The following THRAP3 variants were observed in gnomAD, a reference collection of about 807,000 sequenced individuals.
THRAP3 encodes the protein thyroid hormone receptor-associated protein 3.
In THRAP3, 16 loss-of-function variants were observed where a neutral mutation model predicts 101.0. The ratio of observed to expected loss-of-function variants is 0.16; its 90% confidence interval spans 0.11 to 0.24. THRAP3 has a LOEUF of 0.24. THRAP3 is among the 10% of genes least tolerant of loss of function. The probability of loss-of-function intolerance (pLI) is 1.00; values close to 1 mark genes in which losing one functional copy is unlikely to be tolerated. For missense variants in THRAP3, 989 were observed against 1,202.7 expected (o/e 0.82, Z 2.63); for synonymous variants, 407 against 422.6 (o/e 0.96, Z 0.45).
At chr1:36,272,265 C>T (rs1001743116) in intron 2 of THRAP3, among the ~76,000 whole-genome samples, 4 of 152,128 alleles carry the variant, frequency 2.6e-5, no homozygotes, top group African/African-American at 7.2e-5. Flanking sequence ...GGAGAGTACC[C>T]AATGCACATT....
intron 1 of THRAP3, among the ~76,000 whole-genome samples, chr1:36,243,696 C>T (rs1337858769): frequency 2.0e-5 from 3 of 152,240 alleles, no homozygotes; most frequent in Non-Finnish European, 4.4e-5. Flanking sequence ...ATGGCCCGTT[C>T]TCAATGAGCC....
Position 36,287,291 on chromosome 1 carries a change from G to T in THRAP3, c.1040+21G>T, listed in dbSNP as rs771648723. 3 of 1,564,174 alleles carry T rather than the reference G, an allele frequency of 1.9e-6. No homozygotes were observed. The Admixed American group carries it at 5.7e-5, about 30-fold the overall frequency. On this transcript the variant is annotated intron_variant, in intron 4 of 11. Coordinates refer to ENST00000354618, the MANE Select transcript of THRAP3 (RefSeq NM_005119.4). Reference sequence around the variant, plus strand: ...AAGAGGCAAGTATCTCATTTCCCCTGCCTGGTTGTGTTTTTATCTCACTAG... The same window carrying T: ...AAGAGGCAAGTATCTCATTTCCCCTTCCTGGTTGTGTTTTTATCTCACTAG...
At chr1:36,210,082 T>C in the THRAP3 span, among the ~76,000 whole-genome samples, 3 of 152,068 alleles carry the variant, frequency 2.0e-5, no homozygotes, top group African/African-American at 7.2e-5. Context: ...AAAACTTCTT[T>C]TTGGCCGGGC....
At position 36,291,565 on chromosome 1, in the gene THRAP3, C is replaced by G. The variant is rs201487064; in HGVS notation, c.1918+19C>G. ...GTTAAAGGTGAGTCCAGACCCTGGCCTGCTTCAGGCTCGTGTTCCACACTT... is the reference window on the plus strand; with the variant it reads ...GTTAAAGGTGAGTCCAGACCCTGGCGTGCTTCAGGCTCGTGTTCCACACTT... On this transcript the variant is annotated intron_variant, in intron 6 of 11. Transcript: ENST00000354618. The G allele has an allele frequency of 1.2e-6, 2 of 1,609,022 alleles. No individual in the cohort carries two copies. The highest frequency in any genetic ancestry group is 2.2e-5 in the East Asian group (1 of 44,780).
At chr1:36,290,610 C>T (rs1314996127) in intron 5 of THRAP3, among the ~76,000 whole-genome samples, 1 of 152,166 alleles carries the variant, frequency 6.6e-6, no homozygotes, top group African/African-American at 2.4e-5. Context: ...GGATTACACG[C>T]ACCTGCCACC....
At chr1:36,275,586 CAAAAAA>C (rs754150358) in intron 2 of THRAP3, among the ~76,000 whole-genome samples, 1 of 13,816 alleles carries the variant, frequency 7.2e-5, no homozygotes, top group African/African-American at 1.9e-4. Context: ...GACTCTGTCT[CAAAAAA>C]AAAAAAAAAA....
intron 1 of THRAP3, among the ~76,000 whole-genome samples, chr1:36,244,900 T>C (rs748012158): frequency 4.6e-5 from 7 of 152,010 alleles, no homozygotes; most frequent in Non-Finnish European, 7.4e-5. Context: ...TTTTGTATTT[T>C]TAGTAGAGAC....
rs548209682 is a variant in THRAP3 at position 36,272,917 on chromosome 1, C to A, written c.-31-9616C>A. On this transcript the variant is annotated intron_variant, in intron 2 of 11. Transcript: ENST00000354618. Reference sequence around the variant, plus strand: ...TAGGTTAGCAGAACTGTGATACATACATAATTTTATTCCTTGACTGTATTG... The same window carrying A: ...TAGGTTAGCAGAACTGTGATACATAAATAATTTTATTCCTTGACTGTATTG... Among the ~76,000 whole-genome samples the A allele has an allele frequency of 2.0e-5, 3 of 152,328 alleles. No individual in the cohort carries two copies. The East Asian group carries it at 5.8e-4, about 29-fold the overall frequency.
chr1:36,289,643 T>C lies in THRAP3; in HGVS notation c.1624T>C (p.Ser542Pro), dbSNP rs757162828. Residue 542 changes from serine (S) to proline (P), a missense_variant, in exon 5 of 12, where the codon TCT becomes CCT. Coordinates refer to ENST00000354618, the MANE Select transcript of THRAP3 (RefSeq NM_005119.4). ...CTCATCACCTCCCCCAAGAAAGACC[T>C]CTGAGAGCCGAGACAAGCTGGGAGC... is the stretch of plus-strand genomic sequence containing the variant. The part of the protein sequence containing the change: ...KSSSPPPRKT[S>P]ESRDKLGAKG... 5.0e-6 allele frequency: 8 copies of C among 1,614,016 alleles called. No individual in the cohort carries two copies. In the Admixed American group the frequency reaches 6.7e-5, roughly 13 times the overall value.
At chr1:36,221,111 G>A (rs1644901194), upstream of THRAP3, among the ~76,000 whole-genome samples, 1 of 148,698 alleles carries the variant, frequency 6.7e-6, no homozygotes, top group African/African-American at 2.5e-5. Flanking sequence ...TTTGAGCCTG[G>A]GAGATGGCGG....
At position 36,292,681 on chromosome 1, in the gene THRAP3, A is replaced by G. The variant is rs1467972259; in HGVS notation, c.2002A>G (p.Lys668Glu). The G allele has an allele frequency of 6.2e-7, 1 of 1,612,524 alleles. No homozygotes were observed. ...GAGAGGAACTGAGCAGGAGGCAGCC[A>G]AAAACAAGAAAAGCCCAGAGATACA... ...LKRGTEQEAA[K>E]NKKSPEIHRR... Residue 668 changes from lysine to glutamate, a missense_variant, in exon 7 of 12, where the codon AAA becomes GAA. Coordinates refer to ENST00000354618, the MANE Select transcript of THRAP3 (RefSeq NM_005119.4).
chr1:36,243,752 C>T (rs1429040624), intron 1 of THRAP3, among the ~76,000 whole-genome samples: 1 of 151,150 alleles, frequency 6.6e-6, no homozygotes, highest in Non-Finnish European at 1.5e-5. Context: ...CAGAGGGGCT[C>T]CTCACTTCCC....
Position 36,304,448 on chromosome 1 carries a change from T to C in THRAP3, c.*431T>C, listed in dbSNP as rs1396689243. On this transcript the variant is annotated 3_prime_UTR_variant, in exon 12 of 12. Coordinates refer to ENST00000354618, the MANE Select transcript of THRAP3 (RefSeq NM_005119.4). ...GTCCTGATTTTAAAAGCCCCCTCCT[T>C]TTTTTTTTTTTTTTTCTTTTTTTAG... 1.1e-5 allele frequency: 2 copies of C among 188,566 alleles called. No homozygotes were observed. The highest frequency in any genetic ancestry group is 1.9e-4 in the East Asian group (2 of 10,720). The allele number at this position is 188,566 out of a possible 1,614,324, so 11.7% of individuals were successfully genotyped here. A position where few individuals can be genotyped will look rare whatever the true frequency, so the allele number is the denominator to read the frequency against.
At chr1:36,245,958 G>C (rs1389171288) in intron 1 of THRAP3, among the ~76,000 whole-genome samples, 1 of 152,122 alleles carries the variant, frequency 6.6e-6, no homozygotes, top group Non-Finnish European at 1.5e-5. Flanking sequence ...GCTTACAGTC[G>C]TTCTAAGTAC....
At chr1:36,278,254 CG>C (rs1433505240) in intron 2 of THRAP3, among the ~76,000 whole-genome samples, 2 of 151,648 alleles carry the variant, frequency 1.3e-5, no homozygotes, top group South Asian at 2.1e-4. Context: ...TTAGTAGAGA[CG>C]GGGTTTTGCC....
intron 1 of THRAP3, among the ~76,000 whole-genome samples, chr1:36,240,988 C>T (rs1001677480): frequency 3.9e-5 from 6 of 151,976 alleles, no homozygotes; most frequent in African/African-American, 7.2e-5. Flanking sequence ...GGGCGGATCA[C>T]GAGGTCAGGA....
At chr1:36,236,119 G>T (rs990635032) in intron 1 of THRAP3, among the ~76,000 whole-genome samples, 3 of 151,670 alleles carry the variant, frequency 2.0e-5, no homozygotes, top group African/African-American at 4.8e-5. Context: ...GGGCATTGTG[G>T]CAGGTGCCTG....
chr1:36,262,959 AT>A (rs55662646), intron 2 of THRAP3, among the ~76,000 whole-genome samples: 2,447 of 104,342 alleles, frequency 0.023, 39 homozygotes, highest in East Asian at 0.12. Flanking sequence ...GGGCCGGCTA[AT>A]TTTTTTTTTT....
chr1:36,211,176 A>T, the THRAP3 span, among the ~76,000 whole-genome samples: 2 of 151,728 alleles, frequency 1.3e-5, no homozygotes, highest in African/African-American at 4.8e-5. Flanking sequence ...CCTGGAAAGC[A>T]TAGAGAGACT....
Sources: gnomAD v4.1 joint callset for allele counts (sites outside exome capture counted in the v4.1 genomes callset) on GRCh38, gnomAD v4.1.1 for gene constraint, MANE v1.5 for transcripts, NCBI Gene and HGNC (gene_info 2026-07-23, HGNC 2026-07-21) for gene names.